The following TENM1 variants were observed in gnomAD, a reference collection of about 807,000 sequenced individuals.
The protein encoded by TENM1 is teneurin transmembrane protein 1.
A neutral mutation model predicts 174.8 loss-of-function variants in TENM1; 35 were observed. The ratio of observed to expected loss-of-function variants is 0.20; its 90% CI spans 0.15 to 0.27. TENM1 has a LOEUF of 0.27. Among genes scored for constraint, TENM1 ranks in the 10% least tolerant of loss-of-function variants. TENM1 has a pLI of 1.00. For missense variants in TENM1, 1,633 were observed against 2,130.1 expected, an observed-to-expected ratio of 0.77 and a Z score of 4.59; for synonymous variants, 781 against 798.7, an observed-to-expected ratio of 0.98 and a Z score of 0.37.
the TENM1 span, among the ~76,000 whole-genome samples, chrX:124,989,824 C>T: frequency 9.0e-6 from 1 of 110,578 alleles, no homozygotes; most frequent in African/African-American, 3.3e-5. Flanking sequence ...TTGTACTTTT[C>T]ACAGTTTCTG....
intron 23 of TENM1, among the ~76,000 whole-genome samples, chrX:124,424,147 G>A (rs895675633): frequency 8.9e-6 from 1 of 112,423 alleles, no homozygotes; most frequent in Non-Finnish European, 1.9e-5. Context: ...TGTTGTTTAA[G>A]CCATTCAGTC....
intron 4 of TENM1, among the ~76,000 whole-genome samples, chrX:124,715,481 T>C (rs948556171): frequency 9.0e-6 from 1 of 111,622 alleles, no homozygotes; most frequent in Admixed American, 9.5e-5. Context: ...ACAGAGAAAC[T>C]GATGATTTTA....
chrX:124,471,363 GTA>G (rs2061317898), intron 22 of TENM1, among the ~76,000 whole-genome samples: 1 of 34,241 alleles, frequency 2.9e-5, no homozygotes. Flanking sequence ...ATAATATATA[GTA>G]CTATATATTA....
chrX:124,836,692 T>C (rs1422727786), intron 3 of TENM1, among the ~76,000 whole-genome samples: 2 of 112,422 alleles, frequency 1.8e-5, no homozygotes, highest in Non-Finnish European at 3.7e-5. Context: ...AATCAAAACA[T>C]GTTAAAGCTG....
At chrX:124,500,082 T>C (rs2047293663) in intron 19 of TENM1, among the ~76,000 whole-genome samples, 2 of 111,418 alleles carry the variant, frequency 1.8e-5, no homozygotes, top group Admixed American at 1.9e-4. Context: ...ATTCTAAAAC[T>C]CCCCTTTTCT....
intron 22 of TENM1, among the ~76,000 whole-genome samples, chrX:124,478,358 ACAGAAACAAAAC>A (rs1324689113): frequency 8.9e-6 from 1 of 112,517 alleles, no homozygotes; most frequent in Non-Finnish European, 1.9e-5. Flanking sequence ...AAAAACAAAA[ACAGAAACAAAAC>A]CAAAACAAAA....
At chrX:124,860,722 A>C (rs2056896553) in intron 3 of TENM1, among the ~76,000 whole-genome samples, 1 of 111,838 alleles carries the variant, frequency 8.9e-6, no homozygotes, top group South Asian at 3.7e-4. Context: ...AGTACAAAAA[A>C]ATTATTATTT....
At chrX:124,582,705 C>T (rs957505699) in intron 11 of TENM1, among the ~76,000 whole-genome samples, 3 of 111,760 alleles carry the variant, frequency 2.7e-5, no homozygotes, top group Non-Finnish European at 5.6e-5. Context: ...GTGCAGCACA[C>T]CGTGTGCGAG....
intron 20 of TENM1, among the ~76,000 whole-genome samples, chrX:124,488,134 C>A (rs1195900936): frequency 8.9e-6 from 1 of 111,867 alleles, no homozygotes; most frequent in African/African-American, 3.2e-5. Context: ...TTGCCTAGGG[C>A]ATTTCATGAT....
chrX:125,135,931 G>C, the TENM1 span, among the ~76,000 whole-genome samples: 1 of 111,338 alleles, frequency 9.0e-6, no homozygotes, highest in African/African-American at 3.3e-5. Context: ...TTTTGGTTTA[G>C]AACATATGAC....
chrX:124,492,675 T>G (rs1219589050), intron 20 of TENM1, among the ~76,000 whole-genome samples: 1 of 110,743 alleles, frequency 9.0e-6, no homozygotes, highest in Non-Finnish European at 1.9e-5. Context: ...TTCCATTAGC[T>G]TATTTCTTTG....
chrX:125,079,436 T>G, the TENM1 span, among the ~76,000 whole-genome samples: 1 of 112,229 alleles, frequency 8.9e-6, no homozygotes, highest in Non-Finnish European at 1.9e-5. Flanking sequence ...CTGGTCATAC[T>G]GGAAGAATAT....
At chrX:124,926,275 GT>G (rs2058090453) in intron 1 of TENM1, among the ~76,000 whole-genome samples, 1 of 111,881 alleles carries the variant, frequency 8.9e-6, no homozygotes, top group East Asian at 2.8e-4. Flanking sequence ...TGTTAGGCAA[GT>G]TTTAAAAACT....
At chrX:124,938,984 T>C (rs937630792) in intron 1 of TENM1, among the ~76,000 whole-genome samples, 2 of 111,687 alleles carry the variant, frequency 1.8e-5, no homozygotes, top group African/African-American at 3.3e-5. Flanking sequence ...CAATGTTTAA[T>C]AATGGAAAAG....
chrX:124,761,485 T>C (rs1413242605), intron 3 of TENM1, among the ~76,000 whole-genome samples: 5 of 94,201 alleles, frequency 5.3e-5, no homozygotes, highest in African/African-American at 1.6e-4. Context: ...TAGGTGGGAA[T>C]TGAACGACGA....
intron 11 of TENM1, among the ~76,000 whole-genome samples, chrX:124,592,489 G>A (rs1242815058): frequency 1.0e-5 from 1 of 100,276 alleles, no homozygotes; most frequent in Non-Finnish European, 2.0e-5. Context: ...AGGCTAGAGT[G>A]TAGTAGTACA....
rs1257692658 is a variant in TENM1 at position 124,396,304 on chromosome X, C to CTTTTTT, written c.5392-3962_5392-3957dup. ...CTTTTCCAGCTGAGCCTCTCCCAAC[C>CTTTTTT]TTTTTTTTTTTTTTCGAGCCGGAGT... On this transcript the variant is annotated intron_variant, in intron 27 of 31. Transcript: ENST00000422452. 1.6e-3 allele frequency among the ~76,000 whole-genome samples: 116 copies of CTTTTTT among 70,434 alleles called. 3 individuals carry two copies. Among genetic ancestry groups the CTTTTTT allele is most frequent in the African/African-American group, 7.2e-3 (114 of 15,888 alleles). 61.2% of individuals were successfully genotyped at this position (70,434 alleles called of 115,157 possible).
chrX:124,587,670 A>G (rs2049576756), intron 11 of TENM1, among the ~76,000 whole-genome samples: 1 of 106,496 alleles, frequency 9.4e-6, no homozygotes, highest in Admixed American at 9.7e-5. Context: ...AATAGCAACA[A>G]AAGCCAAAAT....
At chrX:124,886,546 T>TAGAGAGAGAGAG (rs1486537193) in intron 3 of TENM1, among the ~76,000 whole-genome samples, 2 of 76,076 alleles carry the variant, frequency 2.6e-5, no homozygotes, top group African/African-American at 1.1e-4. Context: ...TATATATATA[T>TAGAGAGAGAGAG]ATAGAGAGAG....
Sources: gnomAD v4.1 joint callset for allele counts (sites outside exome capture counted in the v4.1 genomes callset) on GRCh38, gnomAD v4.1.1 for gene constraint, MANE v1.5 for transcripts, NCBI Gene and HGNC (gene_info 2026-07-23, HGNC 2026-07-21) for gene names.